Variants in IRF2 observed in about 807,000 individuals in gnomAD.
The protein encoded by IRF2 is interferon regulatory factor 2.
IRF2 carries 15 observed loss-of-function variants against 40.6 expected under a neutral mutation model. The ratio of observed to expected loss-of-function variants is 0.37; its 90% CI spans 0.25 to 0.57. The LOEUF is 0.57. Among genes scored for constraint, IRF2 ranks in the 20% least tolerant of loss-of-function variants. The probability of loss-of-function intolerance (pLI) is 0.77; values close to 1 mark genes in which losing one functional copy is unlikely to be tolerated. For missense variants in IRF2, 317 were observed against 455.7 expected (o/e 0.70, Z 2.77); for synonymous variants, 151 against 165.5 (o/e 0.91, Z 0.67).
intron 5 of IRF2, among the ~76,000 whole-genome samples, chr4:184,417,123 G>A (rs959474083): frequency 6.6e-6 from 1 of 152,136 alleles, no homozygotes; most frequent in Admixed American, 6.5e-5. Flanking sequence ...CATGTTAGAA[G>A]TCAGGAAATG....
intron 2 of IRF2, among the ~76,000 whole-genome samples, chr4:184,423,580 TC>T (rs1270060323): frequency 1.3e-5 from 2 of 152,088 alleles, no homozygotes; most frequent in East Asian, 3.9e-4. Context: ...ATCTGATGAT[TC>T]CCCTGCCTTA....
At chr4:184,427,047 T>G (rs1456358692) in intron 2 of IRF2, among the ~76,000 whole-genome samples, 1 of 152,198 alleles carries the variant, frequency 6.6e-6, no homozygotes, top group African/African-American at 2.4e-5. Flanking sequence ...TTTCATTCAG[T>G]GTCATTTGCT....
chr4:184,467,657 A>T (rs986192268), intron 1 of IRF2, among the ~76,000 whole-genome samples: 1 of 152,270 alleles, frequency 6.6e-6, no homozygotes, highest in Non-Finnish European at 1.5e-5. Flanking sequence ...TATTCTGTCT[A>T]CAGAGTACTT....
Position 184,448,308 on chromosome 4 carries a change from A to G in IRF2, c.-6-19238T>C, listed in dbSNP as rs1471275936. 6.6e-6 allele frequency among the ~76,000 whole-genome samples: 1 copy of G among 152,184 alleles called. No individual in the cohort carries two copies. On this transcript the variant is annotated intron_variant, in intron 1 of 8. Transcript: ENST00000393593. This position sits in a 1 kb window ranked among gnomAD's most constrained non-coding sequence, Gnocchi z 4.3. ...GTTTATTCGTCCTCCGTGCACCAGG[A>G]TGGTATTAATAAGCACATGCATCAA...
At chr4:184,424,999 C>G (rs1488666974) in intron 2 of IRF2, among the ~76,000 whole-genome samples, 1 of 152,232 alleles carries the variant, frequency 6.6e-6, no homozygotes, top group Non-Finnish European at 1.5e-5. Context: ...ACTTACCAGG[C>G]ACTAGGCCTG....
At chr4:184,435,266 A>G (rs1230675307) in intron 1 of IRF2, among the ~76,000 whole-genome samples, 1 of 152,100 alleles carries the variant, frequency 6.6e-6, no homozygotes, top group African/African-American at 2.4e-5. Flanking sequence ...AGTTATGAAG[A>G]CCTCTTAATT....
intron 7 of IRF2, among the ~76,000 whole-genome samples, chr4:184,394,317 G>A (rs1579791314): frequency 1.3e-5 from 2 of 152,170 alleles, no homozygotes; most frequent in Admixed American, 6.5e-5. Context: ...AGTTTTTAAC[G>A]CCTCGCTGAG....
chr4:184,470,147 G>A (rs1047786075), intron 1 of IRF2, among the ~76,000 whole-genome samples: 5 of 152,158 alleles, frequency 3.3e-5, no homozygotes, highest in Admixed American at 6.5e-5. Context: ...GGCAGAGACC[G>A]AAGGTCCTGA....
rs562459879 is a variant in IRF2, at chr4:184,460,658, T to C, written c.-7+13721A>G. Among the ~76,000 whole-genome samples, 28 of 131,498 alleles carry C rather than the reference T, an allele frequency of 2.1e-4. No individual in the cohort carries two copies. In the South Asian group the frequency reaches 6.4e-3, roughly 30 times the overall value. 86.3% of individuals were successfully genotyped at this position (131,498 alleles called of 152,430 possible). A position where few individuals can be genotyped will look rare whatever the true frequency, so the allele number is the denominator to read the frequency against. ...GCATGCACGCACACACACACACACA[T>C]GCACGCGCACACACACACACATGCA... On this transcript the variant is annotated intron_variant, in intron 1 of 8. Transcript: ENST00000393593.
chr4:184,453,258 G>A (rs887167943), intron 1 of IRF2, among the ~76,000 whole-genome samples: 37 of 152,258 alleles, frequency 2.4e-4, no homozygotes, highest in Non-Finnish European at 7.3e-5. Flanking sequence ...ACCTAAAAGG[G>A]TAGACTGACT....
chr4:184,452,732 C>G (rs1245510697), intron 1 of IRF2, among the ~76,000 whole-genome samples: 1 of 126,528 alleles, frequency 7.9e-6, no homozygotes, highest in African/African-American at 3.2e-5. Context: ...GATCATGCCA[C>G]TACACCCCAG....
chr4:184,411,351 G>A (rs1037568310), intron 5 of IRF2, among the ~76,000 whole-genome samples: 10 of 152,114 alleles, frequency 6.6e-5, no homozygotes, highest in Admixed American at 3.3e-4. Flanking sequence ...GAGCCACCAT[G>A]CCCAGCCTTC....
chr4:184,443,581 A>G (rs1300446009), intron 1 of IRF2, among the ~76,000 whole-genome samples: 1 of 151,172 alleles, frequency 6.6e-6, no homozygotes, highest in African/African-American at 2.4e-5. Flanking sequence ...TCCATAGTGT[A>G]TATATACCAT....
At chr4:184,423,219 C>G (rs958268301) in intron 2 of IRF2, among the ~76,000 whole-genome samples, 1 of 152,144 alleles carries the variant, frequency 6.6e-6, no homozygotes, top group Admixed American at 6.5e-5. Context: ...CCCCGAGTGA[C>G]CAGTCCTGCA....
At chr4:184,402,623 G>A (rs1168689431) in intron 6 of IRF2, among the ~76,000 whole-genome samples, 1 of 152,206 alleles carries the variant, frequency 6.6e-6, no homozygotes, top group African/African-American at 2.4e-5. Context: ...TGATGGGGCC[G>A]AGGCTCACTG....
intron 5 of IRF2, among the ~76,000 whole-genome samples, chr4:184,410,525 G>A (rs542286805): frequency 6.6e-5 from 10 of 152,110 alleles, no homozygotes; most frequent in East Asian, 1.9e-4. Context: ...TCTCAATGGC[G>A]TCCTCAATGA....
chr4:184,409,444 T>C (rs17686080), intron 5 of IRF2, among the ~76,000 whole-genome samples: 12,015 of 152,064 alleles, frequency 0.079, 589 homozygotes, highest in East Asian at 0.15. Flanking sequence ...TATAGCTCGG[T>C]TTTTAAACAA....
intron 1 of IRF2, among the ~76,000 whole-genome samples, chr4:184,456,834 G>A (rs990722961): frequency 6.6e-6 from 1 of 152,220 alleles, no homozygotes; most frequent in Non-Finnish European, 1.5e-5. Context: ...GTTCAAACAC[G>A]GCAGTTAGTG....
intron 5 of IRF2, among the ~76,000 whole-genome samples, chr4:184,411,520 A>G (rs1737072815): frequency 1.3e-5 from 2 of 152,118 alleles, no homozygotes; most frequent in South Asian, 2.1e-4. Context: ...ATCAGTGCCA[A>G]TCATCTCACT....
Sources: gnomAD v4.1 joint callset for allele counts (sites outside exome capture counted in the v4.1 genomes callset) on GRCh38, gnomAD v4.1.1 for gene constraint, Gnocchi (gnomAD v3.1) non-coding constraint, MANE v1.5 for transcripts, NCBI Gene and HGNC (gene_info 2026-07-23, HGNC 2026-07-21) for gene names.